IMPACT: variants seen among roughly 807,000 people sequenced by gnomAD.
The protein encoded by IMPACT is impact RWD domain protein, also known as protein IMPACT.
IMPACT carries 35 observed loss-of-function variants against 47.5 expected under a neutral mutation model. The ratio of observed to expected loss-of-function variants is 0.74; its 90% CI spans 0.56 to 0.98. The LOEUF is 0.98. Ranked by LOEUF, IMPACT falls within the 50% of genes least tolerant of loss-of-function variation. The pLI, the probability that IMPACT is intolerant of heterozygous loss-of-function variation, is 0.00. For missense variants in IMPACT, 373 were observed against 394.8 expected (o/e 0.94, Z 0.47); for synonymous variants, 118 against 125.6 (o/e 0.94, Z 0.40).
At chr18:24,426,852 A>G in intron 1 of IMPACT, 60 bp downstream of exon 1, 1 of 1,168,970 alleles carries the variant, frequency 8.6e-7, no homozygotes, top group Non-Finnish European at 1.1e-6. Flanking sequence ...TCGCCATGCC[A>G]GTCCTCCTCA....
intron 9 of IMPACT, 24 bp from the exon 10 acceptor site, chr18:24,449,795 A>C (rs769631396): frequency 3.2e-5 from 51 of 1,596,798 alleles, no homozygotes; most frequent in African/African-American, 4.0e-5. Context: ...CTATGTATCT[A>C]ATTATGCTTC....
At chr18:24,447,671 A>G (rs1457665442) in intron 8 of IMPACT, among the ~76,000 whole-genome samples, 2 of 152,136 alleles carry the variant, frequency 1.3e-5, no homozygotes, top group East Asian at 1.9e-4. Flanking sequence ...GTTTCACTAC[A>G]TCTTAAGGCT....
chr18:24,443,823 C>T (rs1219729736), intron 7 of IMPACT, among the ~76,000 whole-genome samples: 1 of 152,194 alleles, frequency 6.6e-6, no homozygotes, highest in Non-Finnish European at 1.5e-5. Context: ...TTCTCATTCT[C>T]CTTTCAGCAG....
intron 7 of IMPACT, 119 bp from the exon 8 acceptor site, chr18:24,445,274 T>C (rs558606751): frequency 3.2e-5 from 20 of 617,464 alleles, no homozygotes; most frequent in Admixed American, 1.0e-4. Context: ...TTTCAGAGTA[T>C]AGTAGACTCT....
Position 24,426,744 on chromosome 18 carries a change from G to A in IMPACT, c.-13G>A, listed in dbSNP as rs1050259479. On this transcript the variant is annotated 5_prime_UTR_variant, in exon 1 of 11. Coordinates refer to ENST00000284202, the MANE Select transcript of IMPACT (RefSeq NM_018439.4). The stretch of plus-strand genomic sequence containing the variant: ...CTGGCAGGCGGCGGCTGCAGGGCAG[G>A]TCCAGGGGCCACATGGCTGAGGGGG... The A allele has an allele frequency of 2.4e-6, 3 of 1,245,282 alleles. No individual in the cohort carries two copies. Among genetic ancestry groups the A allele is most frequent in the Non-Finnish European group, 3.0e-6 (3 of 993,404 alleles). 77.1% of individuals were successfully genotyped at this position (1,245,282 alleles called of 1,614,324 possible). A position where few individuals can be genotyped will look rare whatever the true frequency, so the allele number is the denominator to read the frequency against.
At chr18:24,432,428 C>G (rs1370580162) in intron 4 of IMPACT, among the ~76,000 whole-genome samples, 1 of 152,036 alleles carries the variant, frequency 6.6e-6, no homozygotes, top group South Asian at 2.1e-4. Flanking sequence ...CTTTGTGTCC[C>G]TGGGATCCAG....
At chr18:24,448,206 A>T (rs201063508) in intron 9 of IMPACT, 23 bp downstream of exon 9, 1 of 1,524,492 alleles carries the variant, frequency 6.6e-7, no homozygotes, top group Non-Finnish European at 9.1e-7. Flanking sequence ...TAAACTATCA[A>T]TCCTGTTCTG....
At chr18:24,428,358 A>C (rs1426431385) in intron 2 of IMPACT, among the ~76,000 whole-genome samples, 1 of 152,256 alleles carries the variant, frequency 6.6e-6, no homozygotes, top group Non-Finnish European at 1.5e-5. Context: ...AAGATGGCTA[A>C]CATTTAAAAG....
Position 24,431,447 on chromosome 18 carries a change from G to A in IMPACT, c.281+1063G>A, listed in dbSNP as rs142203580. 1.2e-3 allele frequency among the ~76,000 whole-genome samples: 177 copies of A among 152,276 alleles called. 2 individuals carry two copies. The East Asian group carries it at 0.031, about 27-fold the overall frequency. ...GCAGAGTTTTGTAGGTTATGTTGAA[G>A]ATTCTGTCTTTATACTAAGAATAGC... On this transcript the variant is annotated intron_variant, in intron 4 of 10. Transcript: ENST00000284202.
chr18:24,426,839 G>T, intron 1 of IMPACT, 47 bp downstream of exon 1: 1 of 1,207,832 alleles, frequency 8.3e-7, no homozygotes, highest in Non-Finnish European at 1.0e-6. Context: ...GCTCCGGCTC[G>T]CCTCGCCATG....
At position 24,450,760 on chromosome 18, in the gene IMPACT, T is replaced by C. The variant is rs1909364211; in HGVS notation, c.895-19T>C. ...TTATGTAAATGGAGAGATGCTGCAC[T>C]GATTTGTGTCTTTTTCAGGAGGAGT... On this transcript the variant is annotated intron_variant, in intron 10 of 10. Transcript: ENST00000284202. 1 of 1,570,186 alleles carries C rather than the reference T, an allele frequency of 6.4e-7. No homozygotes were observed. The highest frequency in any genetic ancestry group is 8.8e-7 in the Non-Finnish European group (1 of 1,142,050).
intron 7 of IMPACT, among the ~76,000 whole-genome samples, chr18:24,443,378 G>T (rs958523553): frequency 2.0e-5 from 3 of 151,430 alleles, no homozygotes; most frequent in Non-Finnish European, 2.9e-5. Context: ...TCACCATGTT[G>T]CCCAGGCTGG....
At chr18:24,449,559 C>G (rs1355328471) in intron 9 of IMPACT, among the ~76,000 whole-genome samples, 1 of 152,122 alleles carries the variant, frequency 6.6e-6, no homozygotes, top group Non-Finnish European at 1.5e-5. Context: ...TTCACTCTGT[C>G]CAGTTGCCCC....
intron 4 of IMPACT, among the ~76,000 whole-genome samples, chr18:24,437,085 C>A (rs992487892): frequency 2.0e-5 from 3 of 151,964 alleles, no homozygotes; most frequent in Admixed American, 6.6e-5. Flanking sequence ...TCTCTTGTTT[C>A]GAAAGTTTTG....
At position 24,450,707 on chromosome 18, in the gene IMPACT, C is replaced by G; in HGVS notation, c.895-72C>G. The G allele has an allele frequency of 7.6e-6, 7 of 922,752 alleles. No individual in the cohort carries two copies. The South Asian group carries it at 1.0e-4, about 14-fold the overall frequency. The allele number at this position is 922,752 out of a possible 1,614,324, so 57.2% of individuals were successfully genotyped here. On this transcript the variant is annotated intron_variant, in intron 10 of 10. Transcript: ENST00000284202. The stretch of plus-strand genomic sequence containing the variant: ...TGGAATATATATGTGTAAATATATT[C>G]TAAGTGATTAGATTGAAGATTTCAT...
At chr18:24,450,678 T>C in intron 10 of IMPACT, 101 bp from the exon 11 acceptor site, 1 of 690,520 alleles carries the variant, frequency 1.4e-6, no homozygotes, top group Non-Finnish European at 2.5e-6. Flanking sequence ...TGTATGAATA[T>C]ATGTGGAATA....
Position 24,434,776 on chromosome 18 carries a change from A to AATAT in IMPACT, c.282-3162_282-3159dup, listed in dbSNP as rs1555666476. ...AAAACTCTGTCTCAAAAAAAAAAAA[A>AATAT]ATATATATATATATATATATGTGTG... is the stretch of plus-strand genomic sequence containing the variant. On this transcript the variant is annotated intron_variant, in intron 4 of 10. Transcript: ENST00000284202. Among the ~76,000 whole-genome samples the AATAT allele has an allele frequency of 5.4e-4, 62 of 113,998 alleles. 1 individual carries two copies. Among genetic ancestry groups the AATAT allele is most frequent in the African/African-American group, 2.1e-3 (51 of 24,306 alleles). 74.8% of individuals were successfully genotyped at this position (113,998 alleles called of 152,430 possible).
At position 24,445,452 on chromosome 18, in the gene IMPACT, C is replaced by T. The variant is rs1353831441; in HGVS notation, c.654C>T (p.Asn218=). 6.2e-7 allele frequency: 1 copy of T among 1,601,520 alleles called. No individual in the cohort carries two copies. The highest frequency in any genetic ancestry group is 1.7e-5 in the Admixed American group (1 of 58,128). Residue 218 remains asparagine, a synonymous_variant, in exon 8 of 11, where the codon AAC becomes AAT. Transcript: ENST00000284202. ...AGAAAATAGCTAGTGCCACCCACAA[C>T]ATCTATGCCTACAGGTGAGTAATCA... ...ENKKIASATH[N]IYAYRIYCED... is the part of the protein sequence containing the mutation.
intron 7 of IMPACT, 142 bp downstream of exon 7, chr18:24,443,294 T>G (rs1229748157): frequency 2.1e-6 from 1 of 471,856 alleles, no homozygotes; most frequent in African/African-American, 2.1e-5. Flanking sequence ...TACTCCCAAA[T>G]TACTGTGAAT....
Sources: gnomAD v4.1 joint callset for allele counts (sites outside exome capture counted in the v4.1 genomes callset) on GRCh38, gnomAD v4.1.1 for gene constraint, MANE v1.5 for transcripts, NCBI Gene and HGNC (gene_info 2026-07-23, HGNC 2026-07-21) for gene names.